NAV1: variants seen among roughly 807,000 people sequenced by gnomAD.
The protein encoded by NAV1 is neuron navigator 1.
NAV1 carries 18 observed loss-of-function variants against 175.2 expected under a neutral mutation model. The ratio of observed to expected loss-of-function variants is 0.10; its 90% CI spans 0.07 to 0.15. The LOEUF (loss-of-function observed/expected upper bound fraction) is 0.15. Among genes scored for constraint, NAV1 ranks in the 10% least tolerant of loss-of-function variants. NAV1 has a pLI of 1.00. For synonymous variants in NAV1, 897 were observed against 978.7 expected, an observed-to-expected ratio of 0.92 and a Z score of 1.56; for missense variants, 1,731 against 2,436.6, an observed-to-expected ratio of 0.71 and a Z score of 6.10.
rs1254644830 is a variant in NAV1 at position 201,718,718 on chromosome 1, G to A, written c.1189G>A (p.Gly397Ser). 6.2e-7 allele frequency: 1 copy of A among 1,613,934 alleles called. No individual in the cohort carries two copies. Among genetic ancestry groups the A allele is most frequent in the Admixed American group, 1.7e-5 (1 of 60,030 alleles). ...CTACATGAGCGACAGTGACCTCATG[G>A]GCAAGACCATGACGGAGGATGATGA... The change falls in exon 3 of 30, where the codon GGC becomes AGC. Residue 397 changes from glycine (G) to serine (S), a missense_variant. Physicochemically the swap from Gly to Ser is moderately conservative, Grantham distance 56. Around this residue, in one of 13 missense-constraint regions of NAV1, gnomAD observed 487 missense variants for 581.3 expected, o/e 0.84. Coordinates refer to ENST00000367296, the Ensembl canonical transcript of NAV1. The surrounding 1 kb of genome is among the most constrained non-coding windows in gnomAD (Gnocchi z 4.8).
intron 1 of NAV1, among the ~76,000 whole-genome samples, chr1:201,568,642 A>G (rs1666436504): frequency 6.6e-6 from 1 of 152,210 alleles, no homozygotes; most frequent in Non-Finnish European, 1.5e-5. Flanking sequence ...CCTCATCTGT[A>G]AAATGAAAAT....
chr1:201,590,014 T>A (rs955994723), intron 2 of NAV1, among the ~76,000 whole-genome samples: 1 of 152,194 alleles, frequency 6.6e-6, no homozygotes, highest in African/African-American at 2.4e-5. Context: ...TGCCTCAGCC[T>A]CCAGAGTGGC....
At chr1:201,790,410 A>G in intron 11 of NAV1, 144 bp from the exon 16 acceptor site, 5 of 868,674 alleles carry the variant, frequency 5.8e-6, no homozygotes. Context: ...AGCCAGGGCC[A>G]GGAAACAAGA....
intron 3 of NAV1, among the ~76,000 whole-genome samples, chr1:201,747,970 A>G (rs936181494): frequency 6.6e-6 from 1 of 152,152 alleles, no homozygotes; most frequent in African/African-American, 2.4e-5. Flanking sequence ...GGTCCCCAAT[A>G]TATGGGATTC....
intron 3 of NAV1, among the ~76,000 whole-genome samples, chr1:201,736,483 G>A (rs576908720): frequency 1.3e-5 from 2 of 152,232 alleles, no homozygotes; most frequent in Admixed American, 6.5e-5. Context: ...ACTATCTTTC[G>A]ATGTCTCTGT....
chr1:201,595,807 G>A (rs16849101), intron 2 of NAV1, among the ~76,000 whole-genome samples: 8,701 of 152,296 alleles, frequency 0.057, 599 homozygotes, highest in African/African-American at 0.17. Context: ...CATCACTTAC[G>A]TGTCCCCTGC....
chr1:201,683,013 C>G (rs897509912), intron 1 of NAV1, among the ~76,000 whole-genome samples: 5 of 151,986 alleles, frequency 3.3e-5, no homozygotes, highest in Non-Finnish European at 7.4e-5. Flanking sequence ...GAAGTCCAGA[C>G]TTTATTTGGA....
chr1:201,785,405 G>T, intron 8 of NAV1, 54 bp downstream of exon 12: 1 of 1,552,968 alleles, frequency 6.4e-7, no homozygotes, highest in South Asian at 1.2e-5. Flanking sequence ...TGGTATGTAT[G>T]AAAAATCATA....
Position 201,669,671 on chromosome 1 carries a change from G to A in NAV1, c.757+20246G>A, listed in dbSNP as rs543617143. ...GTAAGTGAGAGAGGCAAGAGTGGTG[G>A]GTTCCTGGAAGACACTAGAAGCTGT... On this transcript the variant is annotated intron_variant, in intron 1 of 29. Coordinates refer to ENST00000367296, the Ensembl canonical transcript of NAV1. Among the ~76,000 whole-genome samples the A allele has an allele frequency of 7.9e-5, 12 of 152,218 alleles. No homozygotes were observed. The East Asian group carries it at 2.1e-3, about 27-fold the overall frequency.
chr1:201,754,737 G>T (rs931747839), intron 3 of NAV1, among the ~76,000 whole-genome samples: 1 of 152,114 alleles, frequency 6.6e-6, no homozygotes, highest in Non-Finnish European at 1.5e-5. Context: ...TTAATCCTAT[G>T]ATCTATGCTA....
In NAV1 at chr1:201,785,167, T is replaced by C. The variant is rs1162428268; in HGVS notation, c.2805-143T>C. ...AAGCAGGCTATAGTATCTCTTGGTT[T>C]CTAGAGCTAAAGCAGGTCATAGTTT... On this transcript the variant is annotated intron_variant, in intron 7 of 29. Coordinates refer to ENST00000367296, the Ensembl canonical transcript of NAV1. 4 of 719,006 alleles carry C rather than the reference T, an allele frequency of 5.6e-6. No individual in the cohort carries two copies. The East Asian group carries it at 7.9e-5, about 14-fold the overall frequency. 44.5% of individuals were successfully genotyped at this position (719,006 alleles called of 1,614,324 possible).
chr1:201,708,440 G>A (rs954286589), intron 1 of NAV1, among the ~76,000 whole-genome samples: 27 of 148,198 alleles, frequency 1.8e-4, no homozygotes, highest in South Asian at 8.7e-4. Context: ...CTACTTGCGC[G>A]CACACACACA....
At chr1:201,796,961 A>AT (rs1170748111) in intron 15 of NAV1, 3 of 152,214 alleles carry the variant, frequency 2.0e-5, no homozygotes, top group African/African-American at 4.8e-5. Flanking sequence ...TCTTGAAAAT[A>AT]TTCTTTGAAG....
Position 201,785,203 on chromosome 1 carries a change from G to A in NAV1, c.2805-107G>A, listed in dbSNP as rs752748982. ...AGCAGGTCATAGTTTGATGTCCTGC[G>A]TCTAGGGTCTGCATACCTCACACCA... On this transcript the variant is annotated intron_variant, in intron 7 of 29. Coordinates refer to ENST00000367296, the Ensembl canonical transcript of NAV1. 74 of 1,152,984 alleles carry A rather than the reference G, an allele frequency of 6.4e-5. 1 individual carries two copies. Among genetic ancestry groups the A allele is most frequent in the Admixed American group, 2.8e-4 (13 of 46,572 alleles). 71.4% of individuals were successfully genotyped at this position (1,152,984 alleles called of 1,614,324 possible). A position where few individuals can be genotyped will look rare whatever the true frequency, so the allele number is the denominator to read the frequency against.
chr1:201,597,871 C>G (rs533760595), intron 2 of NAV1, among the ~76,000 whole-genome samples: 41 of 152,334 alleles, frequency 2.7e-4, no homozygotes, highest in African/African-American at 9.9e-4. Flanking sequence ...TGTGCCATCT[C>G]CTGCCCAACT....
At chr1:201,767,496 T>G (rs1675290404) in intron 3 of NAV1, among the ~76,000 whole-genome samples, 1 of 152,092 alleles carries the variant, frequency 6.6e-6, no homozygotes, top group Admixed American at 6.5e-5. Flanking sequence ...GTAAAATTAA[T>G]TGTAATATGT....
exon 7 of NAV1, chr1:201,783,701 A>G: frequency 6.2e-7 from 1 of 1,614,236 alleles, no homozygotes; most frequent in Non-Finnish European, 8.5e-7. Flanking sequence ...GCACAGGAGC[A>G]TGGAGTCCCT....
intron 3 of NAV1, among the ~76,000 whole-genome samples, chr1:201,772,648 T>G (rs1336922927): frequency 6.6e-6 from 1 of 152,260 alleles, no homozygotes; most frequent in Non-Finnish European, 1.5e-5. Context: ...TTATTTCATT[T>G]ATACACCTTT....
chr1:201,545,982 T>G (rs1225220562), intron 1 of NAV1, among the ~76,000 whole-genome samples: 3 of 152,224 alleles, frequency 2.0e-5, no homozygotes, highest in Admixed American at 6.5e-5. Context: ...AGTTCATTGG[T>G]GCAGATAATT....
Sources: allele counts gnomAD v4.1 joint callset (sites outside exome capture counted in the v4.1 genomes callset), GRCh38; gene constraint gnomAD v4.1.1; regional missense constraint gnomAD v4.1.1; non-coding constraint Gnocchi (gnomAD v3.1); transcripts MANE v1.5; gene names NCBI Gene and HGNC (gene_info 2026-07-23, HGNC 2026-07-21).